WWOX: variants seen among roughly 807,000 people sequenced by gnomAD.
WWOX encodes the protein WW domain containing oxidoreductase, also known as WW domain-containing oxidoreductase.
WWOX carries 69 observed loss-of-function variants against 46.2 expected under a neutral mutation model. The ratio of observed to expected loss-of-function variants is 1.49; its 90% CI spans 1.23 to 1.82. WWOX has a LOEUF of 1.82. Among genes scored for constraint, WWOX ranks in the 40% most tolerant of loss-of-function variants. The pLI, the probability that WWOX is intolerant of heterozygous loss-of-function variation, is 0.00. For missense variants in WWOX, 919 were observed against 542.6 expected, an observed-to-expected ratio of 1.69 and a Z score of -6.89; for synonymous variants, 359 against 202.6, an observed-to-expected ratio of 1.77 and a Z score of -6.56.
Position 78,766,101 on chromosome 16 carries a change from G to A in WWOX, c.1056+333349G>A, listed in dbSNP as rs138915605. On this transcript the variant is annotated intron_variant, in intron 8 of 8. Coordinates refer to ENST00000566780, the MANE Select transcript of WWOX (RefSeq NM_016373.4). ...GGACGGGGTGAATGATTTGTGGTCA[G>A]AGGTGTGGTCACACATACCGTCCCC... Among the ~76,000 whole-genome samples the A allele has an allele frequency of 2.6e-5, 4 of 152,348 alleles. No homozygotes were observed. The East Asian group carries it at 5.8e-4, about 22-fold the overall frequency.
At chr16:78,458,659 A>G (rs1794654968) in intron 8 of WWOX, among the ~76,000 whole-genome samples, 1 of 150,674 alleles carries the variant, frequency 6.6e-6, no homozygotes, top group African/African-American at 2.5e-5. Flanking sequence ...AAAAGTAAAA[A>G]GAATATAAAT....
chr16:78,799,185 C>G (rs977411959), intron 8 of WWOX, among the ~76,000 whole-genome samples: 4 of 152,154 alleles, frequency 2.6e-5, no homozygotes, highest in African/African-American at 7.2e-5. Flanking sequence ...ATTTAAAACT[C>G]TGCCTTTCTA....
intron 8 of WWOX, among the ~76,000 whole-genome samples, chr16:79,045,421 A>G (rs76843315): frequency 0.011 from 1,613 of 152,262 alleles, 18 homozygotes; most frequent in African/African-American, 0.037. Context: ...GTACATCATG[A>G]TCTGCGTGGG....
intron 8 of WWOX, among the ~76,000 whole-genome samples, chr16:78,971,779 A>T (rs1339867420): frequency 1.7e-5 from 2 of 121,154 alleles, no homozygotes; most frequent in African/African-American, 3.1e-5. Flanking sequence ...TCCAAACTTT[A>T]CCTGAGGATT....
At chr16:78,314,128 C>T (rs1010099867) in intron 5 of WWOX, among the ~76,000 whole-genome samples, 3 of 151,976 alleles carry the variant, frequency 2.0e-5, no homozygotes, top group Non-Finnish European at 2.9e-5. Context: ...CAGGAGAGGC[C>T]GGGCACGATG....
intron 8 of WWOX, among the ~76,000 whole-genome samples, chr16:78,983,646 C>T (rs1384026112): frequency 6.6e-6 from 1 of 152,124 alleles, no homozygotes; most frequent in African/African-American, 2.4e-5. Flanking sequence ...TTGTGACTTC[C>T]AGCCAATGGA....
chr16:79,046,104 A>G (rs1332141073), intron 8 of WWOX, among the ~76,000 whole-genome samples: 1 of 151,980 alleles, frequency 6.6e-6, no homozygotes, highest in Non-Finnish European at 1.5e-5. Context: ...ACCCGGCCAC[A>G]GTTTTCTTTT....
At chr16:78,855,094 A>G (rs532579736) in intron 8 of WWOX, among the ~76,000 whole-genome samples, 19 of 152,246 alleles carry the variant, frequency 1.2e-4, no homozygotes, top group African/African-American at 4.3e-4. Context: ...ACCACCCCCC[A>G]ATTATTACCT....
chr16:78,725,919 T>G (rs372382863), intron 8 of WWOX, among the ~76,000 whole-genome samples: 1 of 152,034 alleles, frequency 6.6e-6, no homozygotes, highest in African/African-American at 2.4e-5. Context: ...TTTTCTTCTC[T>G]TTTTTCTCCT....
At chr16:78,458,010 G>A (rs1325096437) in intron 8 of WWOX, among the ~76,000 whole-genome samples, 5 of 151,668 alleles carry the variant, frequency 3.3e-5, no homozygotes, top group Non-Finnish European at 7.4e-5. Flanking sequence ...CTGGGAGGCG[G>A]AGGTTGCAGT....
intron 1 of WWOX, among the ~76,000 whole-genome samples, chr16:78,106,028 C>T (rs1331793900): frequency 1.3e-5 from 2 of 152,166 alleles, no homozygotes; most frequent in African/African-American, 4.8e-5. Context: ...TCTCGATCTC[C>T]TGGGCTCTAG....
At chr16:78,818,621 C>T (rs995279542) in intron 8 of WWOX, among the ~76,000 whole-genome samples, 1 of 152,194 alleles carries the variant, frequency 6.6e-6, no homozygotes, top group Non-Finnish European at 1.5e-5. Context: ...GTCCTAGCTA[C>T]TCAGGAGACT....
chr16:79,194,397 C>G (rs1421940729), intron 8 of WWOX, among the ~76,000 whole-genome samples: 1 of 152,132 alleles, frequency 6.6e-6, no homozygotes, highest in Non-Finnish European at 1.5e-5. Context: ...TCAGTGAGAT[C>G]ACAGTCTAAC....
chr16:78,736,867 C>A (rs957897495), intron 8 of WWOX, among the ~76,000 whole-genome samples: 1 of 152,098 alleles, frequency 6.6e-6, no homozygotes, highest in Non-Finnish European at 1.5e-5. Context: ...CCTCAGAATC[C>A]CAAAGTGCTG....
intron 8 of WWOX, among the ~76,000 whole-genome samples, chr16:79,074,966 C>T (rs976918728): frequency 6.6e-6 from 1 of 152,054 alleles, no homozygotes; most frequent in African/African-American, 2.4e-5. Context: ...AAGTGGGAAA[C>T]GTCAGCTCTC....
chr16:78,303,413 C>A (rs538233926), intron 5 of WWOX, among the ~76,000 whole-genome samples: 3 of 152,296 alleles, frequency 2.0e-5, no homozygotes, highest in East Asian at 3.9e-4. Flanking sequence ...ACTTGAGCAA[C>A]TGAGCTCATG....
intron 8 of WWOX, among the ~76,000 whole-genome samples, chr16:78,677,257 G>C (rs910555427): frequency 6.6e-6 from 1 of 152,126 alleles, no homozygotes; most frequent in Admixed American, 6.5e-5. Context: ...TCAGGCAGCT[G>C]TTTGACAGGA....
At chr16:78,876,699 G>C (rs2044241261) in intron 8 of WWOX, among the ~76,000 whole-genome samples, 1 of 151,888 alleles carries the variant, frequency 6.6e-6, no homozygotes, top group African/African-American at 2.4e-5. Context: ...GCCCAGTTAG[G>C]GTACCCTCAG....
chr16:78,527,288 TTTTC>T (rs1344504640), intron 8 of WWOX, among the ~76,000 whole-genome samples: 1 of 126,092 alleles, frequency 7.9e-6, no homozygotes, highest in Non-Finnish European at 1.6e-5. Flanking sequence ...CTCGCTCTTT[TTTTC>T]TTTCTTTTTT....
Sources: allele counts gnomAD v4.1 joint callset (sites outside exome capture counted in the v4.1 genomes callset), GRCh38; gene constraint gnomAD v4.1.1; transcripts MANE v1.5; gene names NCBI Gene and HGNC (gene_info 2026-07-23, HGNC 2026-07-21).